Variants in FHIT observed in about 807,000 individuals in gnomAD.
FHIT encodes fragile histidine triad diadenosine triphosphatase.
FHIT carries 19 observed loss-of-function variants against 17.9 expected under a neutral mutation model. The ratio of observed to expected loss-of-function variants is 1.06; its 90% CI spans 0.74 to 1.56. The LOEUF (loss-of-function observed/expected upper bound fraction) is 1.56, where lower values mean the gene tolerates loss of function less well. FHIT is among the 40% of genes most tolerant of loss of function. FHIT has a pLI of 0.00. For missense variants in FHIT, 248 were observed against 189.2 expected (o/e 1.31, Z -1.82); for synonymous variants, 81 against 69.7 (o/e 1.16, Z -0.81).
At chr3:60,186,710 T>C in intron 5 of FHIT, among the ~76,000 whole-genome samples, 1 of 152,138 alleles carries the variant, frequency 6.6e-6, no homozygotes, top group East Asian at 1.9e-4. Context: ...AGTGTTAGAT[T>C]GATAAAGCTA....
At chr3:60,333,282 T>A (rs1165697377) in intron 5 of FHIT, among the ~76,000 whole-genome samples, 2 of 152,214 alleles carry the variant, frequency 1.3e-5, no homozygotes, top group African/African-American at 4.8e-5. Flanking sequence ...TGCTCTCCCA[T>A]GAGTCAAGGG....
intron 2 of FHIT, among the ~76,000 whole-genome samples, chr3:61,048,456 A>G (rs2033898690): frequency 6.6e-6 from 1 of 152,204 alleles, no homozygotes; most frequent in Admixed American, 6.5e-5. Flanking sequence ...TAGAATGACA[A>G]TCATTAAAAA....
At chr3:60,552,316 T>C (rs1421483083) in intron 4 of FHIT, among the ~76,000 whole-genome samples, 3 of 152,236 alleles carry the variant, frequency 2.0e-5, no homozygotes, top group African/African-American at 7.2e-5. Flanking sequence ...TGTGGACTTA[T>C]GTTTTCAATT....
At chr3:60,567,419 C>A (rs1224235659) in intron 4 of FHIT, among the ~76,000 whole-genome samples, 1 of 152,178 alleles carries the variant, frequency 6.6e-6, no homozygotes, top group Non-Finnish European at 1.5e-5. Flanking sequence ...AAAGCTGAAA[C>A]TGGATCCCTT....
At chr3:60,543,157 T>C (rs1446959176) in intron 4 of FHIT, among the ~76,000 whole-genome samples, 1 of 152,182 alleles carries the variant, frequency 6.6e-6, no homozygotes, top group African/African-American at 2.4e-5. Flanking sequence ...CTGTTGCAAT[T>C]ACTCAACTTT....
At chr3:61,197,042 G>T (rs1255276329) in intron 2 of FHIT, among the ~76,000 whole-genome samples, 1 of 152,126 alleles carries the variant, frequency 6.6e-6, no homozygotes, top group Non-Finnish European at 1.5e-5. Flanking sequence ...CCCAGCACAA[G>T]CACTATACAA....
intron 4 of FHIT, among the ~76,000 whole-genome samples, chr3:60,813,280 A>T (rs1701628576): frequency 6.6e-6 from 1 of 151,716 alleles, no homozygotes; most frequent in Non-Finnish European, 1.5e-5. Context: ...CCCAACTTCC[A>T]GAACCATGAA....
At chr3:61,249,005 A>G (rs1026599565) in intron 1 of FHIT, among the ~76,000 whole-genome samples, 1 of 152,234 alleles carries the variant, frequency 6.6e-6, no homozygotes, top group Non-Finnish European at 1.5e-5. Flanking sequence ...CTTAAGAGAG[A>G]TGACCATATA....
intron 5 of FHIT, among the ~76,000 whole-genome samples, chr3:60,247,470 A>T (rs1461831836): frequency 6.6e-6 from 1 of 152,142 alleles, no homozygotes; most frequent in African/African-American, 2.4e-5. Context: ...AAAGAAACTT[A>T]AAAACCACTT....
chr3:60,068,946 T>C (rs770088711), intron 5 of FHIT, among the ~76,000 whole-genome samples: 11 of 152,164 alleles, frequency 7.2e-5, no homozygotes, highest in Admixed American at 3.9e-4. Context: ...ATTACTAAAA[T>C]ACAGAAGTGG....
intron 7 of FHIT, among the ~76,000 whole-genome samples, chr3:60,001,692 C>T (rs989792255): frequency 6.6e-6 from 1 of 152,088 alleles, no homozygotes; most frequent in African/African-American, 2.4e-5. Context: ...TCACTTGCTC[C>T]TCTGGGATTT....
intron 4 of FHIT, among the ~76,000 whole-genome samples, chr3:60,623,005 A>T (rs1553679360): frequency 6.6e-6 from 1 of 152,192 alleles, no homozygotes; most frequent in Non-Finnish European, 1.5e-5. Flanking sequence ...CTTAACTTGC[A>T]GTGGGTGCAA....
chr3:61,156,790 G>A (rs1208801883), intron 2 of FHIT, among the ~76,000 whole-genome samples: 1 of 152,108 alleles, frequency 6.6e-6, no homozygotes, highest in Non-Finnish European at 1.5e-5. Flanking sequence ...CACCTTTTAG[G>A]TGAGACAAAG....
intron 1 of FHIT, among the ~76,000 whole-genome samples, chr3:61,251,021 C>T (rs1333354542): frequency 2.6e-5 from 4 of 152,174 alleles, no homozygotes; most frequent in Non-Finnish European, 4.4e-5. Flanking sequence ...GCTGTGGCGT[C>T]CCCGGACCCG....
intron 2 of FHIT, among the ~76,000 whole-genome samples, chr3:61,133,954 G>A (rs2106964996): frequency 6.6e-6 from 1 of 152,216 alleles, no homozygotes; most frequent in Non-Finnish European, 1.5e-5. Context: ...CAGGCGTGGT[G>A]GCAGGCACCT....
intron 8 of FHIT, among the ~76,000 whole-genome samples, chr3:59,902,592 T>C (rs1399849570): frequency 6.6e-6 from 1 of 151,524 alleles, no homozygotes; most frequent in African/African-American, 2.4e-5. Flanking sequence ...ATATCAATAA[T>C]GGAATACGAT....
intron 4 of FHIT, among the ~76,000 whole-genome samples, chr3:60,628,208 A>C (rs782224359): frequency 1.2e-4 from 18 of 152,256 alleles, no homozygotes; most frequent in Non-Finnish European, 2.4e-4. Context: ...AAATTGACTC[A>C]TTGGATATTT....
chr3:60,230,767 G>A (rs1180585494), intron 5 of FHIT, among the ~76,000 whole-genome samples: 1 of 152,202 alleles, frequency 6.6e-6, no homozygotes, highest in Non-Finnish European at 1.5e-5. Flanking sequence ...ATGGATTGCA[G>A]TGGCATGATC....
At chr3:60,130,908 CAT>C (rs1559661062) in intron 5 of FHIT, among the ~76,000 whole-genome samples, 67 of 148,756 alleles carry the variant, frequency 4.5e-4, no homozygotes, top group African/African-American at 1.6e-3. Context: ...CATATATACA[CAT>C]ATATGTATAC....
Sources: gnomAD v4.1 joint callset for allele counts (sites outside exome capture counted in the v4.1 genomes callset) on GRCh38, gnomAD v4.1.1 for gene constraint, MANE v1.5 for transcripts, NCBI Gene and HGNC (gene_info 2026-07-23, HGNC 2026-07-21) for gene names.